SLC2A8: variants seen among roughly 807,000 people sequenced by gnomAD.
SLC2A8 encodes solute carrier family 2, facilitated glucose transporter member 8.
In SLC2A8, 53 loss-of-function variants were observed where a neutral mutation model predicts 49.2. The ratio of observed to expected loss-of-function variants is 1.08; its 90% CI spans 0.86 to 1.35. The LOEUF is 1.35. Among genes scored for constraint, SLC2A8 ranks in the 40% most tolerant of loss-of-function variants. The pLI, the probability that SLC2A8 is intolerant of heterozygous loss-of-function variation, is 0.00. For synonymous variants in SLC2A8, 299 were observed against 297.0 expected, an observed-to-expected ratio of 1.01 and a Z score of -0.07; for missense variants, 688 against 671.7, an observed-to-expected ratio of 1.02 and a Z score of -0.27.
chr9:127,402,712 T>C lies in SLC2A8; in HGVS notation c.682T>C (p.Ser228Pro). The C allele has an allele frequency of 6.4e-7, 1 of 1,560,054 alleles. No individual in the cohort carries two copies. Among genetic ancestry groups the C allele is most frequent in the Non-Finnish European group, 8.7e-7 (1 of 1,152,976 alleles). ...GGCCGCCCTGCGGTTCCTGTGGGGCTCCGAGCAGGGCTGGGAAGACCCCCC... is the reference window on the plus strand; with the variant it reads ...GGCCGCCCTGCGGTTCCTGTGGGGCCCCGAGCAGGGCTGGGAAGACCCCCC... ...AMAALRFLWG[S>P]EQGWEDPPIG... Residue 228 changes from serine to proline, a missense_variant, in exon 5 of 10, where the codon TCC becomes CCC. Coordinates refer to ENST00000373371, the MANE Select transcript of SLC2A8 (RefSeq NM_014580.5).
Position 127,402,894 on chromosome 9 carries a change from C to T in SLC2A8, c.723+141C>T, listed in dbSNP as rs915818597. ...CCCTCCACCCTCAGCGAGGACAGGCCCAGTGTGTCCTGTCTTTGAGCAGGC... is the reference window on the plus strand; with the variant it reads ...CCCTCCACCCTCAGCGAGGACAGGCTCAGTGTGTCCTGTCTTTGAGCAGGC... On this transcript the variant is annotated intron_variant, in intron 5 of 9. Transcript: ENST00000373371. 3.7e-6 allele frequency: 4 copies of T among 1,082,538 alleles called. No individual in the cohort carries two copies. In the African/African-American group the frequency reaches 4.8e-5, roughly 13 times the overall value. 67.1% of individuals were successfully genotyped at this position (1,082,538 alleles called of 1,614,324 possible). A position where few individuals can be genotyped will look rare whatever the true frequency, so the allele number is the denominator to read the frequency against.
chr9:127,407,475 C>G lies in SLC2A8; in HGVS notation c.*226C>G. 1.5e-6 allele frequency: 1 copy of G among 676,248 alleles called. No homozygotes were observed. Among genetic ancestry groups the G allele is most frequent in the Non-Finnish European group, 2.8e-6 (1 of 360,590 alleles). 41.9% of individuals were successfully genotyped at this position (676,248 alleles called of 1,614,324 possible). ...CTGAGGACTCAGGAACACCTTCGAGCTTTGCAGACCTGCGGTCAGCCCTCC... is the reference window on the plus strand; with the variant it reads ...CTGAGGACTCAGGAACACCTTCGAGGTTTGCAGACCTGCGGTCAGCCCTCC... On this transcript the variant is annotated 3_prime_UTR_variant, in exon 10 of 10. Transcript: ENST00000373371.
At chr9:127,406,824 T>C (rs1833508500) in intron 9 of SLC2A8, among the ~76,000 whole-genome samples, 1 of 152,230 alleles carries the variant, frequency 6.6e-6, no homozygotes, top group Non-Finnish European at 1.5e-5. Context: ...CAGCTGTCAC[T>C]GGATAGCGGG....
Position 127,407,186 on chromosome 9 carries a change from C to T in SLC2A8, c.1371C>T (p.Phe457=). 2 of 1,613,654 alleles carry T rather than the reference C, an allele frequency of 1.2e-6. No individual in the cohort carries two copies. Among genetic ancestry groups the T allele is most frequent in the South Asian group, 1.1e-5 (1 of 91,084 alleles). ...FCIFSVLFTL[F]CVPETKGKTL... The stretch of plus-strand genomic sequence containing the variant: ...TCTTCAGTGTCCTTTTCACTTTGTT[C>T]TGTGTCCCTGAAACTAAAGGAAAGA... The change falls in exon 10 of 10, where the codon TTC becomes TTT. Residue 457 remains phenylalanine, a synonymous_variant. Coordinates refer to ENST00000373371, the MANE Select transcript of SLC2A8 (RefSeq NM_014580.5).
At chr9:127,404,627 T>C (rs1312803021) in intron 7 of SLC2A8, 191 bp from the exon 8 acceptor site, 30 of 616,572 alleles carry the variant, frequency 4.9e-5, no homozygotes. Context: ...CCGGGAACTT[T>C]TTGCAGTTCG....
rs1833189679 is a variant in SLC2A8, at chr9:127,399,559, GCCT to G, written c.427-346_427-344del. ...TAAGAACTCTTGGAGCCTGAGTAAAGCCTCATCTTTTTTTTTTTTTTTTTAATT... is the reference window on the plus strand; with the variant it reads ...TAAGAACTCTTGGAGCCTGAGTAAAGCATCTTTTTTTTTTTTTTTTTAATT... On this transcript the variant is annotated intron_variant, in intron 3 of 9. Coordinates refer to ENST00000373371, the MANE Select transcript of SLC2A8 (RefSeq NM_014580.5). This position sits in a 1 kb window ranked among gnomAD's most constrained non-coding sequence, Gnocchi z 4.2. Among the ~76,000 whole-genome samples the G allele has an allele frequency of 1.4e-5, 2 of 142,670 alleles. No individual in the cohort carries two copies. Among genetic ancestry groups the G allele is most frequent in the Non-Finnish European group, 3.0e-5 (2 of 66,434 alleles). 93.6% of individuals were successfully genotyped at this position (142,670 alleles called of 152,430 possible).
chr9:127,402,077 A>G (rs931760955), intron 4 of SLC2A8, among the ~76,000 whole-genome samples: 1 of 152,186 alleles, frequency 6.6e-6, no homozygotes. Context: ...CTCAACACTC[A>G]AGTGCCAGAG....
At chr9:127,400,166 C>CTGTTTTTTTTTTTTTTT (rs1833223301) in intron 4 of SLC2A8, among the ~76,000 whole-genome samples, 160 bp downstream of exon 4, 2 of 116,834 alleles carry the variant, frequency 1.7e-5, no homozygotes, top group African/African-American at 3.4e-5. Context: ...ATAGGTGAGT[C>CTGTTTTTTTTTTTTTTT]TTTTTTTTTT....
chr9:127,403,773 A>G lies in SLC2A8; in HGVS notation c.837A>G (p.Ala279=), dbSNP rs1262639601. Residue 279 remains alanine, a synonymous_variant, in exon 6 of 10, where the codon GCA becomes GCG. Coordinates refer to ENST00000373371, the MANE Select transcript of SLC2A8 (RefSeq NM_014580.5). ...GGGTCAACGCCGTCATGTTCTATGC[A>G]GAGACCATCTTTGAAGAGGCCAAGT... The part of the protein sequence containing the change: ...LSGVNAVMFY[A]ETIFEEAKFK... The G allele has an allele frequency of 1.2e-6, 2 of 1,613,206 alleles. No individual in the cohort carries two copies. The highest frequency in any genetic ancestry group is 1.1e-5 in the South Asian group (1 of 91,086).
chr9:127,403,085 G>A (rs1193879526), intron 5 of SLC2A8, among the ~76,000 whole-genome samples: 1 of 152,218 alleles, frequency 6.6e-6, no homozygotes, highest in East Asian at 1.9e-4. Flanking sequence ...AGGCAGGGTA[G>A]AGGGCTAAAA....
At position 127,403,139 on chromosome 9, in the gene SLC2A8, C is replaced by T. The variant is rs531948153; in HGVS notation, c.723+386C>T. The T allele has an allele frequency of 2.8e-5, 7 of 249,940 alleles. No homozygotes were observed. In the South Asian group the frequency reaches 4.8e-4, roughly 17 times the overall value. The allele number at this position is 249,940 out of a possible 1,614,324, so 15.5% of individuals were successfully genotyped here. ...CCCAGGCATGGGTTTGAAGCCCCCA[C>T]GCTGCCCCTCACCTAAGCTTTAGCT... is the stretch of plus-strand genomic sequence containing the variant. On this transcript the variant is annotated intron_variant, in intron 5 of 9. Transcript: ENST00000373371.
rs1162440358 is a variant in SLC2A8 at position 127,397,949 on chromosome 9, CT to C, written c.265del (p.Trp89GlyfsTer10). 1.3e-6 allele frequency: 2 copies of C among 1,534,026 alleles called. No individual in the cohort carries two copies. The highest frequency in any genetic ancestry group is 1.7e-6 in the Non-Finnish European group (2 of 1,146,436). On this transcript the variant is annotated frameshift_variant, in exon 3 of 10. Coordinates refer to ENST00000373371, the MANE Select transcript of SLC2A8 (RefSeq NM_014580.5). LOFTEE classifies it high-confidence loss of function. Reference protein sequence around the residue: ...GAAAGGVLGGWLVDRAGRKLS... With the variant: ...GAAAGGVLGGXLVDRAGRKLS... ...CCGCGGCGGGGGGAGTGCTGGGCGG[CT>C]GGCTGGTGGACCGCGCCGGGCGCAA...
chr9:127,404,830 T>C lies in SLC2A8; in HGVS notation c.989T>C (p.Val330Ala), dbSNP rs1554745420. 11 of 1,611,466 alleles carry C rather than the reference T, an allele frequency of 6.8e-6. No homozygotes were observed. The South Asian group carries it at 1.1e-4, about 16-fold the overall frequency. ...LLLVLSGVVMVFSTSAFGAYF... is the reference protein window; with the variant it reads ...LLLVLSGVVMAFSTSAFGAYF... ...CTCCCGCCTGCAGGTGTGGTCATGG[T>C]GTTCAGCACGAGTGCCTTCGGCGCC... The change falls in exon 8 of 10, where the codon GTG (valine) becomes GCG (alanine). Residue 330 changes from valine (V) to alanine (A), a missense_variant. Val to Ala is a moderately conservative substitution (Grantham distance 64). Coordinates refer to ENST00000373371, the MANE Select transcript of SLC2A8 (RefSeq NM_014580.5).
intron 7 of SLC2A8, 112 bp downstream of exon 7, chr9:127,404,179 C>T: frequency 1.4e-6 from 1 of 717,376 alleles, no homozygotes; most frequent in Admixed American, 2.8e-5. Context: ...ACATCATGGA[C>T]TAATGCGGCC....
In SLC2A8 at chr9:127,407,893, A is replaced by AC; in HGVS notation, c.*644_*645insC. The AC allele has an allele frequency of 1.3e-5, 2 of 152,762 alleles. No homozygotes were observed. Among genetic ancestry groups the AC allele is most frequent in the Admixed American group, 1.3e-4 (2 of 15,372 alleles). 9.5% of individuals were successfully genotyped at this position (152,762 alleles called of 1,614,324 possible). On this transcript the variant is annotated 3_prime_UTR_variant, in exon 10 of 10. Transcript: ENST00000373371. ...GCAAAAAAAAACAAAACAAAACAAAAAAAAACACCTTTTGTTCTGTTGACT... is the reference window on the plus strand; with the variant it reads ...GCAAAAAAAAACAAAACAAAACAAAACAAAAACACCTTTTGTTCTGTTGACT...
At chr9:127,397,850 G>A (rs1833097419) in intron 2 of SLC2A8, 55 bp from the exon 3 acceptor site, 1 of 1,417,318 alleles carries the variant, frequency 7.1e-7, no homozygotes, top group Non-Finnish European at 9.2e-7. Context: ...GTGGGTGGAG[G>A]GGGAGGATGG....
At position 127,407,287 on chromosome 9, in the gene SLC2A8, C is replaced by T. The variant is rs1218583305; in HGVS notation, c.*38C>T. ...AGGGGATGGAGCAAGCCTGTGACTCCAAGCTGGGCCCAAGCCCAGAGCCCC... is the reference window on the plus strand; with the variant it reads ...AGGGGATGGAGCAAGCCTGTGACTCTAAGCTGGGCCCAAGCCCAGAGCCCC... On this transcript the variant is annotated 3_prime_UTR_variant, in exon 10 of 10. Transcript: ENST00000373371. 2 of 1,611,124 alleles carry T rather than the reference C, an allele frequency of 1.2e-6. No homozygotes were observed. The highest frequency in any genetic ancestry group is 2.2e-5 in the South Asian group (2 of 90,968).
Position 127,405,001 on chromosome 9 carries a change from C to T in SLC2A8, c.1150+10C>T. The stretch of plus-strand genomic sequence containing the variant: ...TGCCTCTTCATCGCCGGTAAGGGGG[C>T]CTGTGGGAGGCTGGGCGAGGAGTGG... On this transcript the variant is annotated intron_variant, in intron 8 of 9. Transcript: ENST00000373371. The T allele has an allele frequency of 6.3e-7, 1 of 1,589,400 alleles. No homozygotes were observed.
chr9:127,404,124 G>A, intron 7 of SLC2A8, 57 bp downstream of exon 7: 3 of 1,207,118 alleles, frequency 2.5e-6, no homozygotes, highest in Non-Finnish European at 3.6e-6. Flanking sequence ...CTTCGCCAAG[G>A]CCACCACACT....
Sources: allele counts gnomAD v4.1 joint callset (sites outside exome capture counted in the v4.1 genomes callset), GRCh38; gene constraint gnomAD v4.1.1; non-coding constraint Gnocchi (gnomAD v3.1); transcripts MANE v1.5; gene names NCBI Gene and HGNC (gene_info 2026-07-23, HGNC 2026-07-21).